Variants in PP2D1 observed in about 807,000 individuals in gnomAD.
The protein encoded by PP2D1 is protein phosphatase 2C like domain containing 1, also known as protein phosphatase 2C-like domain-containing protein 1.
In PP2D1, 25 loss-of-function variants were observed where a neutral mutation model predicts 30.2. The observed-to-expected ratio is 0.83, with a 90% CI of 0.60 to 1.16. PP2D1 has a LOEUF of 1.16. PP2D1 is among the 50% of genes most tolerant of loss of function. The pLI, the probability that PP2D1 is intolerant of heterozygous loss-of-function variation, is 0.00. For synonymous variants in PP2D1, 260 were observed against 258.9 expected (o/e 1.00, Z -0.04); for missense variants, 760 against 742.4 (o/e 1.02, Z -0.28).
intron 2 of PP2D1, among the ~76,000 whole-genome samples, chr3:19,992,714 C>A (rs537525229): frequency 1.3e-5 from 2 of 152,218 alleles, no homozygotes; most frequent in Admixed American, 1.3e-4. Context: ...AGTCCTGGCT[C>A]ACTCACTGGT....
At chr3:20,011,707 G>A (rs1378471072) in intron 1 of PP2D1, among the ~76,000 whole-genome samples, 1 of 152,080 alleles carries the variant, frequency 6.6e-6, no homozygotes, top group Non-Finnish European at 1.5e-5. Context: ...GCTGAGGTGC[G>A]AGAATCACTT....
intron 2 of PP2D1, among the ~76,000 whole-genome samples, chr3:20,000,362 A>G (rs1328796839): frequency 6.6e-6 from 1 of 152,200 alleles, no homozygotes; most frequent in Non-Finnish European, 1.5e-5. Flanking sequence ...TGAAAAGGGT[A>G]GTAGAACTGT....
downstream of PP2D1, chr3:19,983,654 CTG>C: frequency 5.1e-6 from 6 of 1,184,622 alleles, no homozygotes; most frequent in Non-Finnish European, 7.4e-6. Context: ...GCAGGTGAAA[CTG>C]ATATTAATAT....
intron 1 of PP2D1, 40 bp downstream of exon 1, chr3:20,012,010 G>A (rs1416309323): frequency 1.4e-6 from 2 of 1,442,598 alleles, no homozygotes; most frequent in Admixed American, 4.0e-5. Flanking sequence ...ATTACTCATT[G>A]GCTATACGTA....
intron 1 of PP2D1, among the ~76,000 whole-genome samples, chr3:20,007,566 C>G (rs1175434004): frequency 2.6e-5 from 4 of 151,926 alleles, no homozygotes; most frequent in Non-Finnish European, 4.4e-5. Context: ...GTCAGAAGTT[C>G]GAGACCAGCC....
Position 19,987,744 on chromosome 3 carries a change from T to C in PP2D1, c.1091-1562A>G, listed in dbSNP as rs115492876. Among the ~76,000 whole-genome samples the C allele has an allele frequency of 9.0e-3, 1,373 of 152,304 alleles. 21 individuals carry two copies. Among genetic ancestry groups the C allele is most frequent in the African/African-American group, 0.029 (1,201 of 41,558 alleles). On this transcript the variant is annotated intron_variant, in intron 2 of 2. Transcript: ENST00000389050. ...GGGCAATATGGCAAAGCCCCATCTC[T>C]ACTAAAAACACAAAAAAATTAGTCG...
downstream of PP2D1, chr3:19,984,340 A>C (rs1696991838): frequency 2.5e-6 from 1 of 399,792 alleles, no homozygotes; most frequent in Admixed American, 3.4e-5. Context: ...AATTAACCAC[A>C]AGAAAATAAT....
In PP2D1 at chr3:19,985,555, C is replaced by A. The variant is rs1402568893; in HGVS notation, c.1718G>T (p.Ser573Ile). ...TTCATTTGTTGCCACATCATTTACA[C>A]TAGTTGGTCTGTCAGTTACTTTTTC... ...CSEKVTDRPT[S>I]VNDVATNEKE... The change falls in exon 3 of 3, where the codon AGT becomes ATT. Residue 573 changes from serine (S) to isoleucine (I), a missense_variant. Ser to Ile is a moderately radical substitution (Grantham distance 142, BLOSUM62 -2). Around this residue, in one of 3 missense-constraint regions of PP2D1, gnomAD observed 369 missense variants for 316.2 expected, o/e 1.17. Coordinates refer to ENST00000389050, the MANE Select transcript of PP2D1 (RefSeq NM_001252657.2). 6.4e-5 allele frequency: 99 copies of A among 1,535,954 alleles called. No homozygotes were observed. The highest frequency in any genetic ancestry group is 8.5e-5 in the Non-Finnish European group (98 of 1,146,886).
chr3:20,000,520 G>A (rs957924467), intron 2 of PP2D1, among the ~76,000 whole-genome samples: 7 of 152,108 alleles, frequency 4.6e-5, no homozygotes, highest in East Asian at 3.8e-4. Flanking sequence ...GAGAATACAC[G>A]CTCATAAAAC....
chr3:20,011,986 A>T (rs966223927), intron 1 of PP2D1, 64 bp downstream of exon 1: 261 of 1,285,996 alleles, frequency 2.0e-4, no homozygotes, highest in Non-Finnish European at 2.6e-4. Context: ...GAAGAAAAAA[A>T]TACTGTAGAT....
In PP2D1 at chr3:20,001,716, A is replaced by G; in HGVS notation, c.404T>C (p.Phe135Ser). ...EKTLQSINNA[F>S]ELLWKKQIPA... ...TATTTGTTTTTTCCAAAGCAGCTCA[A>G]AAGCATTATTAATGCTCTGTAGGGT... The change falls in exon 2 of 3, where the codon TTT becomes TCT. Residue 135 changes from phenylalanine to serine, a missense_variant. Phe to Ser is a radical substitution (Grantham distance 155, BLOSUM62 -2). Around this residue, in one of 3 missense-constraint regions of PP2D1, gnomAD observed 374 missense variants for 388.8 expected, o/e 0.96. Transcript: ENST00000389050. The G allele has an allele frequency of 1.3e-6, 2 of 1,533,248 alleles. No homozygotes were observed. The highest frequency in any genetic ancestry group is 1.7e-6 in the Non-Finnish European group (2 of 1,145,708). The allele number at this position is 1,533,248 out of a possible 1,614,324, so 95.0% of individuals were successfully genotyped here.
downstream of PP2D1, chr3:19,984,026 T>C (rs773410410): frequency 4.3e-5 from 22 of 516,738 alleles, no homozygotes; most frequent in Admixed American, 2.5e-4. Flanking sequence ...GTTTCAACAA[T>C]AGGGAAAAAT....
chr3:19,985,607 C>G lies in PP2D1; in HGVS notation c.1666G>C (p.Glu556Gln), dbSNP rs534483782. ...CTGCAAGGTTTACGATGAGTCGTTT[C>G]TGCTGGAAATGTTTCTACATTCTCA... Reference protein sequence around the residue: ...NPENVETFPAETTHRKPCSEK... With the variant: ...NPENVETFPAQTTHRKPCSEK... The change falls in exon 3 of 3, where the codon GAA (glutamate) becomes CAA (glutamine). Residue 556 changes from glutamate (E) to glutamine (Q), a missense_variant. Around this residue, in one of 3 missense-constraint regions of PP2D1, gnomAD observed 369 missense variants for 316.2 expected, o/e 1.17. Coordinates refer to ENST00000389050, the MANE Select transcript of PP2D1 (RefSeq NM_001252657.2). 109 of 1,535,716 alleles carry G rather than the reference C, an allele frequency of 7.1e-5. No individual in the cohort carries two copies. Among genetic ancestry groups the G allele is most frequent in the Admixed American group, 2.4e-4 (12 of 50,988 alleles).
chr3:19,985,707 T>G lies in PP2D1; in HGVS notation c.1566A>C (p.Glu522Asp). 9 of 1,535,906 alleles carry G rather than the reference T, an allele frequency of 5.9e-6. No individual in the cohort carries two copies. Among genetic ancestry groups the G allele is most frequent in the Non-Finnish European group, 7.8e-6 (9 of 1,146,670 alleles). The change falls in exon 3 of 3, where the codon GAA (glutamate) becomes GAC (aspartate). Residue 522 changes from glutamate to aspartate, a missense_variant. Around this residue, in one of 3 missense-constraint regions of PP2D1, gnomAD observed 369 missense variants for 316.2 expected, o/e 1.17. Coordinates refer to ENST00000389050, the MANE Select transcript of PP2D1 (RefSeq NM_001252657.2). ...HVLFQYKSVS[E>D]VRVSTTNSKE... is the part of the protein sequence containing the mutation. ...TGGAATTTGTAGTTGACACACGTAC[T>G]TCAGATACAGATTTATACTGAAACA...
downstream of PP2D1, chr3:19,984,022 A>G (rs1408284360): frequency 5.7e-6 from 3 of 525,210 alleles, no homozygotes; most frequent in African/African-American, 1.9e-5. Flanking sequence ...TAATGTTTCA[A>G]CAATAGGGAA....
At chr3:20,010,190 A>T (rs143535059) in intron 1 of PP2D1, among the ~76,000 whole-genome samples, 2,738 of 151,986 alleles carry the variant, frequency 0.018, 72 homozygotes, top group African/African-American at 0.062. Flanking sequence ...CTGCCTCCCA[A>T]GTTCAAGCAA....
rs747274327 is a variant in PP2D1, at chr3:19,988,976, ACTCT to A, written c.1091-2798_1091-2795del. On this transcript the variant is annotated intron_variant, in intron 2 of 2. Transcript: ENST00000389050. ...ACTCCAGCCTGGGTGACAAAGCAAG[ACTCT>A]CTCAAAAAAAAACAAAAAAGGTTGA... 2.6e-5 allele frequency among the ~76,000 whole-genome samples: 4 copies of A among 151,606 alleles called. No homozygotes were observed. In the East Asian group the frequency reaches 7.7e-4, roughly 29 times the overall value.
chr3:20,000,639 A>G (rs555708025), intron 2 of PP2D1, among the ~76,000 whole-genome samples: 1 of 152,338 alleles, frequency 6.6e-6, no homozygotes, highest in East Asian at 1.9e-4. Flanking sequence ...ACCAATTTAA[A>G]CAACTACACT....
intron 2 of PP2D1, among the ~76,000 whole-genome samples, chr3:19,997,892 G>A (rs1385366754): frequency 6.6e-6 from 1 of 152,148 alleles, no homozygotes; most frequent in Non-Finnish European, 1.5e-5. Context: ...GATAAAGTAA[G>A]GTTGGTTAAT....
Sources: allele counts gnomAD v4.1 joint callset (sites outside exome capture counted in the v4.1 genomes callset), GRCh38; gene constraint gnomAD v4.1.1; regional missense constraint gnomAD v4.1.1; transcripts MANE v1.5; gene names NCBI Gene and HGNC (gene_info 2026-07-23, HGNC 2026-07-21).